RNASEL: variants seen among roughly 807,000 people sequenced by gnomAD.
RNASEL encodes ribonuclease L, also known as 2-5A-dependent ribonuclease.
Under a neutral mutation model 50.9 loss-of-function variants are expected in RNASEL, and 36 were observed. The observed-to-expected ratio is 0.71, with a 90% CI of 0.54 to 0.93. The LOEUF is 0.93. Among genes scored for constraint, RNASEL ranks in the 40% least tolerant of loss-of-function variants. RNASEL has a pLI of 0.00. For synonymous variants in RNASEL, 335 were observed against 335.6 expected, an observed-to-expected ratio of 1.00 and a Z score of 0.02; for missense variants, 860 against 894.5, an observed-to-expected ratio of 0.96 and a Z score of 0.49.
intron 5 of RNASEL, chr1:182,576,931 C>T (rs1187141418): frequency 6.7e-6 from 1 of 149,540 alleles, no homozygotes; most frequent in Admixed American, 6.7e-5. Flanking sequence ...GGCTGGAGTA[C>T]AGTGGTGCGA....
chr1:182,574,609 A>C lies in RNASEL; in HGVS notation c.*783T>G, dbSNP rs1661347022. On this transcript the variant is annotated 3_prime_UTR_variant, in exon 7 of 7. Coordinates refer to ENST00000367559, the MANE Select transcript of RNASEL (RefSeq NM_021133.4). The stretch of plus-strand genomic sequence containing the variant: ...TTGCAGGGGCTGTCCTGTGCAAGGC[A>C]GGTTTGGCAGCATCCCTGGTCTTTA... 4.3e-6 allele frequency: 1 copy of C among 232,702 alleles called. No individual in the cohort carries two copies. The highest frequency in any genetic ancestry group is 8.5e-6 in the Non-Finnish European group (1 of 117,872). 14.4% of individuals were successfully genotyped at this position (232,702 alleles called of 1,614,324 possible).
At chr1:182,579,773 C>A in intron 5 of RNASEL, 1 of 1,158,210 alleles carries the variant, frequency 8.6e-7, no homozygotes, top group Non-Finnish European at 1.1e-6. Flanking sequence ...GTTCCTCTTT[C>A]CAGGTCTGCC....
rs748847842 is a variant in RNASEL, at chr1:182,581,345, C to T, written c.1785G>A (p.Thr595=). The T allele has an allele frequency of 9.9e-6, 16 of 1,613,938 alleles. No homozygotes were observed. The highest frequency in any genetic ancestry group is 2.2e-5 in the East Asian group (1 of 44,862). Residue 595 remains threonine, a synonymous_variant, in exon 5 of 7, where the codon ACG becomes ACA. Transcript: ENST00000367559. ...FFWTWESRYR[T]LRNVGNESDI... is the part of the protein sequence containing the mutation. ...CGGATTCATTTCCCACATTCCGAAG[C>T]GTCCTATAGCGGCTGAAGATGACTA...
At chr1:182,588,246 T>C (rs529837619) in intron 1 of RNASEL, among the ~76,000 whole-genome samples, 1 of 152,254 alleles carries the variant, frequency 6.6e-6, no homozygotes, top group Non-Finnish European at 1.5e-5. Context: ...CTTGTGGCTG[T>C]GTAATTTTTT....
In RNASEL at chr1:182,581,473, CTTTTTTTTTT is replaced by C. The variant is rs1011639686; in HGVS notation, c.1773-126_1773-117del. On this transcript the variant is annotated intron_variant, in intron 4 of 6. Coordinates refer to ENST00000367559, the MANE Select transcript of RNASEL (RefSeq NM_021133.4). ...TTTTGTGCTTTCTTGGTTTTTCTTTCTTTTTTTTTTTTTTTTTTTTTTTTTTGAGATGGAG... is the reference window on the plus strand; with the variant it reads ...TTTTGTGCTTTCTTGGTTTTTCTTTCTTTTTTTTTTTTTTTTGAGATGGAG... 16 of 294,818 alleles carry C rather than the reference CTTTTTTTTTT, an allele frequency of 5.4e-5. No homozygotes were observed. In the East Asian group the frequency reaches 7.0e-4, roughly 13 times the overall value. 18.3% of individuals were successfully genotyped at this position (294,818 alleles called of 1,614,324 possible).
At chr1:182,582,378 C>T (rs1399621726) in intron 3 of RNASEL, 120 bp from the exon 4 acceptor site, 1 of 1,203,618 alleles carries the variant, frequency 8.3e-7, no homozygotes, top group African/African-American at 1.5e-5. Context: ...AATTTGTAGG[C>T]TTGTTAGGGA....
Position 182,586,056 on chromosome 1 carries a change from GCTT to G in RNASEL, c.748_750del (p.Lys250del), listed in dbSNP as rs1661589346. 6.2e-7 allele frequency: 1 copy of G among 1,613,888 alleles called. No individual in the cohort carries two copies. The highest frequency in any genetic ancestry group is 8.5e-7 in the Non-Finnish European group (1 of 1,180,044). On this transcript the variant is annotated inframe_deletion, in exon 2 of 7. Transcript: ENST00000367559. ...AGAAGCCTCTGCACCAAACCCAAGT[GCTT>G]CTTCTCCACTGCCAGGATCAGGGGA...
In RNASEL at chr1:182,585,736, C is replaced by G. The variant is rs1558476063; in HGVS notation, c.1071G>C (p.Met357Ile). 1.2e-6 allele frequency: 2 copies of G among 1,614,086 alleles called. No individual in the cohort carries two copies. The highest frequency in any genetic ancestry group is 1.6e-4 in the Middle Eastern group (1 of 6,062). The change falls in exon 2 of 7, where the codon ATG (methionine) becomes ATC (isoleucine). Residue 357 changes from methionine (M) to isoleucine (I), a missense_variant. By Grantham distance (10) the Met-to-Ile change is conservative (BLOSUM62 1). Coordinates refer to ENST00000367559, the MANE Select transcript of RNASEL (RefSeq NM_021133.4). ...CAATAAAGAACTTGAGTTTGCCAATCATAGGGCGGTATATTCTGTGGAGAT... is the reference window on the plus strand; with the variant it reads ...CAATAAAGAACTTGAGTTTGCCAATGATAGGGCGGTATATTCTGTGGAGAT... ...LKDLHRIYRP[M>I]IGKLKFFIDE...
At position 182,587,003 on chromosome 1, in the gene RNASEL, C is replaced by T. The variant is rs548773316; in HGVS notation, c.-164-33G>A. The T allele has an allele frequency of 4.5e-5, 27 of 594,892 alleles. No homozygotes were observed. The East Asian group carries it at 6.6e-4, about 15-fold the overall frequency. 36.9% of individuals were successfully genotyped at this position (594,892 alleles called of 1,614,324 possible). On this transcript the variant is annotated intron_variant, in intron 1 of 6. Coordinates refer to ENST00000367559, the MANE Select transcript of RNASEL (RefSeq NM_021133.4). The stretch of plus-strand genomic sequence containing the variant: ...CGAAGAGAGGTGCTTTGTAATTTTA[C>T]AATAGGGAGAAAACACTTGAATCAG...
rs142939718 is a variant in RNASEL, at chr1:182,585,725, A to G, written c.1082T>C (p.Leu361Pro). 4 of 1,613,964 alleles carry G rather than the reference A, an allele frequency of 2.5e-6. No homozygotes were observed. The African/African-American group carries it at 5.3e-5, about 22-fold the overall frequency. Residue 361 changes from leucine (L) to proline (P), a missense_variant, in exon 2 of 7, where the codon CTC becomes CCC. Leu to Pro is a moderately conservative substitution (Grantham distance 98). Coordinates refer to ENST00000367559, the MANE Select transcript of RNASEL (RefSeq NM_021133.4). ...HRIYRPMIGKLKFFIDEKYKI... is the reference protein window; with the variant it reads ...HRIYRPMIGKPKFFIDEKYKI... The stretch of plus-strand genomic sequence containing the variant: ...GTATTTTTCATCAATAAAGAACTTG[A>G]GTTTGCCAATCATAGGGCGGTATAT...
chr1:182,588,937 G>A lies in RNASEL; in HGVS notation c.-165+230C>T, dbSNP rs560011194. On this transcript the variant is annotated intron_variant, in intron 1 of 6. Coordinates refer to ENST00000367559, the MANE Select transcript of RNASEL (RefSeq NM_021133.4). ...CACTTTCTCTGTGCGACCTGAGTAA[G>A]TCGCAAAGAGATGCCTGAGAAACTG... is the stretch of plus-strand genomic sequence containing the variant. Among the ~76,000 whole-genome samples the A allele has an allele frequency of 7.2e-5, 11 of 152,336 alleles. No homozygotes were observed. In the South Asian group the frequency reaches 2.3e-3, roughly 32 times the overall value.
At chr1:182,587,052 T>C (rs1401041547) in intron 1 of RNASEL, 82 bp from the exon 2 acceptor site, 2 of 386,684 alleles carry the variant, frequency 5.2e-6, no homozygotes, top group Non-Finnish European at 9.3e-6. Context: ...ATTAGCATTT[T>C]TTCTAAATAC....
At position 182,586,053 on chromosome 1, in the gene RNASEL, A is replaced by G. The variant is rs1229325419; in HGVS notation, c.754T>C (p.Leu252=). Residue 252 remains leucine, a synonymous_variant, in exon 2 of 7, where the codon TTG becomes CTG. Coordinates refer to ENST00000367559, the MANE Select transcript of RNASEL (RefSeq NM_021133.4). ...PLILAVEKKH[L]GLVQRLLEQE... ...TCCAGAAGCCTCTGCACCAAACCCA[A>G]GTGCTTCTTCTCCACTGCCAGGATC... The G allele has an allele frequency of 2.5e-6, 4 of 1,613,886 alleles. No homozygotes were observed. In the Admixed American group the frequency reaches 6.7e-5, roughly 27 times the overall value.
At position 182,585,917 on chromosome 1, in the gene RNASEL, G is replaced by T; in HGVS notation, c.890C>A (p.Ala297Asp). Residue 297 changes from alanine to aspartate, a missense_variant, in exon 2 of 7, where the codon GCC becomes GAC. Transcript: ENST00000367559. The part of the protein sequence containing the change: ...KIAELLCKRG[A>D]STDCGDLVMT... ...AACAAGATCCCCACAATCTGTACTGGCTCCACGTTTGCACAGCAACTCGGC... is the reference window on the plus strand; with the variant it reads ...AACAAGATCCCCACAATCTGTACTGTCTCCACGTTTGCACAGCAACTCGGC... 6.2e-7 allele frequency: 1 copy of T among 1,614,050 alleles called. No homozygotes were observed. The highest frequency in any genetic ancestry group is 8.5e-7 in the Non-Finnish European group (1 of 1,179,962).
At position 182,579,678 on chromosome 1, in the gene RNASEL, G is replaced by A; in HGVS notation, c.1905+1547C>T. On this transcript the variant is annotated intron_variant, in intron 5 of 6. Coordinates refer to ENST00000367559, the MANE Select transcript of RNASEL (RefSeq NM_021133.4). ...TGGGAATTAAAAGGTAAAACTTGAA[G>A]TTAAAACCTGAAGACTATCAAAATT... 2.6e-6 allele frequency: 3 copies of A among 1,146,000 alleles called. No homozygotes were observed. In the South Asian group the frequency reaches 5.2e-5, roughly 20 times the overall value. 71.0% of individuals were successfully genotyped at this position (1,146,000 alleles called of 1,614,324 possible). A position where few individuals can be genotyped will look rare whatever the true frequency, so the allele number is the denominator to read the frequency against.
In RNASEL at chr1:182,585,982, T is replaced by A. The variant is rs1420231998; in HGVS notation, c.825A>T (p.Thr275=). 5 of 1,614,038 alleles carry A rather than the reference T, an allele frequency of 3.1e-6. No homozygotes were observed. Among genetic ancestry groups the A allele is most frequent in the Non-Finnish European group, 4.2e-6 (5 of 1,180,048 alleles). Residue 275 remains threonine, a synonymous_variant, in exon 2 of 7, where the codon ACA becomes ACT. Coordinates refer to ENST00000367559, the MANE Select transcript of RNASEL (RefSeq NM_021133.4). ...TGAGTTCAACAGCAAGCAGCAGTGCTGTTTTGCCATCACTGTCTGTGTCAT... is the reference window on the plus strand; with the variant it reads ...TGAGTTCAACAGCAAGCAGCAGTGCAGTTTTGCCATCACTGTCTGTGTCAT... ...EINDTDSDGK[T]ALLLAVELKL...
rs943985289 is a variant in RNASEL at position 182,574,902 on chromosome 1, C to T, written c.*490G>A. On this transcript the variant is annotated 3_prime_UTR_variant, in exon 7 of 7. Transcript: ENST00000367559. ...GTTTTGGGCCTCATCTGGAAGAGCC[C>T]TGGAAGGATAGTTAAGTTTTAAGGT... The T allele has an allele frequency of 8.0e-6, 2 of 248,494 alleles. No individual in the cohort carries two copies. Among genetic ancestry groups the T allele is most frequent in the African/African-American group, 4.4e-5 (2 of 45,132 alleles). 15.4% of individuals were successfully genotyped at this position (248,494 alleles called of 1,614,324 possible). A position where few individuals can be genotyped will look rare whatever the true frequency, so the allele number is the denominator to read the frequency against.
intron 3 of RNASEL, among the ~76,000 whole-genome samples, chr1:182,583,359 C>T (rs1439021536): frequency 6.6e-6 from 1 of 152,168 alleles, no homozygotes; most frequent in Non-Finnish European, 1.5e-5. Context: ...ATGCCATGGC[C>T]TACAGGGGAG....
intron 1 of RNASEL, among the ~76,000 whole-genome samples, chr1:182,588,859 G>A (rs1661648188): frequency 6.6e-6 from 1 of 152,222 alleles, no homozygotes; most frequent in African/African-American, 2.4e-5. Flanking sequence ...CATCAGAGTA[G>A]AGAAGAGACG....
Sources: gnomAD v4.1 joint callset for allele counts (sites outside exome capture counted in the v4.1 genomes callset) on GRCh38, gnomAD v4.1.1 for gene constraint, MANE v1.5 for transcripts, NCBI Gene and HGNC (gene_info 2026-07-23, HGNC 2026-07-21) for gene names.